Variants in POLR1A observed in about 807,000 individuals in gnomAD.
POLR1A encodes the protein RNA polymerase I subunit A.
In POLR1A, 84 loss-of-function variants were observed where a neutral mutation model predicts 205.3. That is an observed-to-expected ratio of 0.41 (90% CI 0.34 to 0.49). The LOEUF is 0.49. Ranked by LOEUF, POLR1A falls within the 20% of genes least tolerant of loss-of-function variation. POLR1A has a pLI of 0.22. For synonymous variants in POLR1A, 799 were observed against 863.7 expected (o/e 0.93, Z 1.31); for missense variants, 1,645 against 2,204.5 (o/e 0.75, Z 5.08).
intron 11 of POLR1A, among the ~76,000 whole-genome samples, chr2:86,077,085 A>AG (rs1673299507): frequency 6.6e-6 from 1 of 152,220 alleles, no homozygotes; most frequent in South Asian, 2.1e-4. Flanking sequence ...AGAACACTTC[A>AG]GCGCTGCTCA....
At chr2:86,103,348 G>T (rs1395139621) in intron 1 of POLR1A, among the ~76,000 whole-genome samples, 3 of 152,102 alleles carry the variant, frequency 2.0e-5, no homozygotes, top group African/African-American at 4.8e-5. Flanking sequence ...CAGCAAGGAG[G>T]TCAGGGTAGC....
intron 17 of POLR1A, 26 bp downstream of exon 17, chr2:86,049,134 G>A (rs1442100249): frequency 3.7e-6 from 6 of 1,610,264 alleles, no homozygotes; most frequent in Non-Finnish European, 2.6e-6. Flanking sequence ...TCTAGGGCAG[G>A]CCACGGCCTC....
intron 14 of POLR1A, 45 bp downstream of exon 14, chr2:86,065,229 C>T: frequency 6.6e-7 from 1 of 1,522,930 alleles, no homozygotes; most frequent in Non-Finnish European, 9.0e-7. Flanking sequence ...ACATGAGTGG[C>T]CTATTTCCTT....
At chr2:86,069,050 G>A (rs924048631) in intron 13 of POLR1A, among the ~76,000 whole-genome samples, 5 of 152,308 alleles carry the variant, frequency 3.3e-5, no homozygotes, top group Admixed American at 1.3e-4. Context: ...CAAGTTACAC[G>A]AATCCTTCAA....
chr2:86,064,497 G>C (rs767902117), intron 14 of POLR1A, among the ~76,000 whole-genome samples: 1 of 152,132 alleles, frequency 6.6e-6, no homozygotes. Flanking sequence ...GGGTTGAAAA[G>C]TCCTGGGTTT....
chr2:86,080,847 G>A lies in POLR1A; in HGVS notation c.1055C>T (p.Pro352Leu). Residue 352 changes from proline (P) to leucine (L), a missense_variant, in exon 9 of 34, where the codon CCA (proline) becomes CTA (leucine). By Grantham distance (98) the Pro-to-Leu change is moderately conservative. Transcript: ENST00000263857. ...LALMAQEQKL[P>L]EEVATPTTDE... ...TGTAGTGGGTGTGGCCACTTCCTCT[G>A]GCAACTTCTGTTCTTGGGCCATCAA... The A allele has an allele frequency of 6.2e-7, 1 of 1,613,676 alleles. No homozygotes were observed. Among genetic ancestry groups the A allele is most frequent in the Non-Finnish European group, 8.5e-7 (1 of 1,179,760 alleles).
intron 29 of POLR1A, 99 bp downstream of exon 29, chr2:86,032,173 A>T: frequency 1.2e-6 from 1 of 830,008 alleles, no homozygotes; most frequent in East Asian, 2.4e-5. Flanking sequence ...TGGGTTCATG[A>T]CACAGAGGTG....
chr2:86,066,027 A>T (rs531850879), intron 13 of POLR1A, among the ~76,000 whole-genome samples: 4 of 152,384 alleles, frequency 2.6e-5, no homozygotes, highest in Admixed American at 6.5e-5. Context: ...AAATGATTGG[A>T]TAAATACAAT....
intron 14 of POLR1A, among the ~76,000 whole-genome samples, chr2:86,057,747 G>T (rs1289089274): frequency 1.7e-4 from 26 of 152,136 alleles, no homozygotes; most frequent in Admixed American, 1.6e-3. Flanking sequence ...GTCCAAAACA[G>T]GCTAATTCAT....
At chr2:86,053,237 C>G (rs1410143170) in intron 15 of POLR1A, among the ~76,000 whole-genome samples, 1 of 151,694 alleles carries the variant, frequency 6.6e-6, no homozygotes, top group Non-Finnish European at 1.5e-5. Context: ...TTTTTTTCTT[C>G]CCTTCAGGGA....
rs1672277934 is a variant in POLR1A at position 86,027,319 on chromosome 2, A to T, written c.*104T>A. 1 of 925,052 alleles carries T rather than the reference A, an allele frequency of 1.1e-6. No homozygotes were observed. Among genetic ancestry groups the T allele is most frequent in the Non-Finnish European group, 1.8e-6 (1 of 558,274 alleles). The allele number at this position is 925,052 out of a possible 1,614,324, so 57.3% of individuals were successfully genotyped here. A position where few individuals can be genotyped will look rare whatever the true frequency, so the allele number is the denominator to read the frequency against. ...GCTGTGCTCTGTACTGTCACTTGGA[A>T]CTGCCCTGGATTCCAGTCTCCTGGT... On this transcript the variant is annotated 3_prime_UTR_variant, in exon 34 of 34. Transcript: ENST00000263857.
chr2:86,031,361 T>C lies in POLR1A; in HGVS notation c.4547A>G (p.Gln1516Arg). The C allele has an allele frequency of 1.3e-6, 2 of 1,588,536 alleles. No individual in the cohort carries two copies. Among genetic ancestry groups the C allele is most frequent in the Non-Finnish European group, 8.6e-7 (1 of 1,164,612 alleles). The change falls in exon 30 of 34, where the codon CAG (glutamine) becomes CGG (arginine). Residue 1516 changes from glutamine to arginine, a missense_variant. By Grantham distance (43) the Gln-to-Arg change is conservative. Coordinates refer to ENST00000263857, the MANE Select transcript of POLR1A (RefSeq NM_015425.6). ...CCACAGGCTCTCCTCGGTGTCGTAC[T>C]GGTAGTCATCTATGAACGGGTGGAT... ...REIHPFIDDY[Q>R]YDTEESLWCQ...
rs376464026 is a variant in POLR1A, at chr2:86,040,353, T to A, written c.3740+39A>T. 8.6e-6 allele frequency: 13 copies of A among 1,519,750 alleles called. No homozygotes were observed. In the African/African-American group the frequency reaches 1.7e-4, roughly 19 times the overall value. 94.1% of individuals were successfully genotyped at this position (1,519,750 alleles called of 1,614,324 possible). ...AAATGGCCCCTTCTCCAGGAGAGGCTAGGACAGACCCCACCCTGTGCTCCC... is the reference window on the plus strand; with the variant it reads ...AAATGGCCCCTTCTCCAGGAGAGGCAAGGACAGACCCCACCCTGTGCTCCC... On this transcript the variant is annotated intron_variant, in intron 25 of 33. Coordinates refer to ENST00000263857, the MANE Select transcript of POLR1A (RefSeq NM_015425.6).
chr2:86,085,461 A>C (rs1196388848), intron 6 of POLR1A, among the ~76,000 whole-genome samples: 1 of 152,240 alleles, frequency 6.6e-6, no homozygotes, highest in African/African-American at 2.4e-5. Flanking sequence ...TTCAGGGATA[A>C]CCACAGCATT....
chr2:86,084,182 C>T (rs963235441), intron 6 of POLR1A, among the ~76,000 whole-genome samples: 5 of 152,130 alleles, frequency 3.3e-5, no homozygotes, highest in East Asian at 3.8e-4. Flanking sequence ...AGGAGAATGG[C>T]GTGAACCCAG....
intron 1 of POLR1A, among the ~76,000 whole-genome samples, chr2:86,104,002 A>C (rs1673870744): frequency 6.6e-6 from 1 of 152,198 alleles, no homozygotes; most frequent in Non-Finnish European, 1.5e-5. Flanking sequence ...AGGGCTGAAG[A>C]AGGGATGATG....
intron 14 of POLR1A, among the ~76,000 whole-genome samples, chr2:86,062,472 GA>G (rs59936142): frequency 8.8e-5 from 13 of 147,672 alleles, no homozygotes; most frequent in East Asian, 2.0e-4. Flanking sequence ...CTCATGGATT[GA>G]AAAAAAAAAT....
chr2:86,088,900 TG>T (rs750798725), intron 4 of POLR1A, 30 bp from the exon 5 acceptor site: 4 of 1,486,664 alleles, frequency 2.7e-6, no homozygotes, highest in Non-Finnish European at 3.7e-6. Context: ...CAGAGAACCT[TG>T]GAGTGCCATT....
At chr2:86,036,156 C>G (rs1672491475) in intron 27 of POLR1A, among the ~76,000 whole-genome samples, 1 of 152,218 alleles carries the variant, frequency 6.6e-6, no homozygotes, top group South Asian at 2.1e-4. Context: ...ACGCGCCTGG[C>G]AACAGCTCCA....
Sources: gnomAD v4.1 joint callset for allele counts (sites outside exome capture counted in the v4.1 genomes callset) on GRCh38, gnomAD v4.1.1 for gene constraint, MANE v1.5 for transcripts, NCBI Gene and HGNC (gene_info 2026-07-23, HGNC 2026-07-21) for gene names.